Variants in STX8 observed in about 807,000 individuals in gnomAD.
The protein encoded by STX8 is syntaxin-8.
A neutral mutation model predicts 37.5 loss-of-function variants in STX8; 23 were observed. The observed-to-expected ratio is 0.61, with a 90% confidence interval of 0.44 to 0.87. The LOEUF is 0.87. Among genes scored for constraint, STX8 ranks in the 40% least tolerant of loss-of-function variants. The probability of loss-of-function intolerance (pLI) is 0.00; values close to 1 mark genes in which losing one functional copy is unlikely to be tolerated. For synonymous variants in STX8, 115 were observed against 99.1 expected, an observed-to-expected ratio of 1.16 and a Z score of -0.95; for missense variants, 313 against 284.7, an observed-to-expected ratio of 1.10 and a Z score of -0.71.
chr17:9,395,686 A>G (rs1912376659), intron 6 of STX8, among the ~76,000 whole-genome samples: 1 of 152,220 alleles, frequency 6.6e-6, no homozygotes, highest in African/African-American at 2.4e-5. Flanking sequence ...CATCCTTTAT[A>G]CGGTGCCTAG....
chr17:9,429,981 A>AAT lies in STX8; in HGVS notation c.542-51330_542-51329dup, dbSNP rs1555526630. On this transcript the variant is annotated intron_variant, in intron 6 of 7. Coordinates refer to ENST00000306357, the MANE Select transcript of STX8 (RefSeq NM_004853.3). ...AATATATATATTATATATTATATAG[A>AAT]ATATATTATATATAATATATATATT... Among the ~76,000 whole-genome samples, 2 of 8,866 alleles carry AAT rather than the reference A, an allele frequency of 2.3e-4. 1 individual carries two copies. Among genetic ancestry groups the AAT allele is most frequent in the Non-Finnish European group, 3.1e-4 (2 of 6,450 alleles). 5.8% of individuals were successfully genotyped at this position (8,866 alleles called of 152,430 possible).
At chr17:9,261,323 C>A (rs1482077910) in intron 7 of STX8, among the ~76,000 whole-genome samples, 1 of 152,172 alleles carries the variant, frequency 6.6e-6, no homozygotes, top group East Asian at 1.9e-4. Flanking sequence ...AGCAGCACTG[C>A]CCTGGTAAGA....
At chr17:9,298,328 C>T (rs1908640953) in intron 7 of STX8, among the ~76,000 whole-genome samples, 3 of 152,096 alleles carry the variant, frequency 2.0e-5, no homozygotes, top group Admixed American at 2.0e-4. Flanking sequence ...CTTTGGCCAG[C>T]CCAGCCCTGG....
intron 3 of STX8, among the ~76,000 whole-genome samples, chr17:9,550,927 T>C (rs965557380): frequency 1.2e-4 from 19 of 152,088 alleles, no homozygotes; most frequent in African/African-American, 4.6e-4. Flanking sequence ...ACACAAAAAT[T>C]AGCCAGGTGT....
chr17:9,411,928 G>A (rs997071594), intron 6 of STX8, among the ~76,000 whole-genome samples: 1 of 152,132 alleles, frequency 6.6e-6, no homozygotes, highest in Non-Finnish European at 1.5e-5. Flanking sequence ...CTAATGGGAT[G>A]CATGATCTAA....
At chr17:9,324,052 T>G (rs182233947) in intron 7 of STX8, among the ~76,000 whole-genome samples, 1 of 151,956 alleles carries the variant, frequency 6.6e-6, no homozygotes, top group East Asian at 1.9e-4. Flanking sequence ...AATGGGAATT[T>G]CAGTAAAAGA....
chr17:9,311,933 C>T (rs1909205540), intron 7 of STX8, among the ~76,000 whole-genome samples: 1 of 151,920 alleles, frequency 6.6e-6, no homozygotes, highest in Admixed American at 6.6e-5. Flanking sequence ...CTGCAACCTC[C>T]CCATCCCAGG....
At chr17:9,307,474 A>G (rs1451705144) in intron 7 of STX8, among the ~76,000 whole-genome samples, 1 of 152,130 alleles carries the variant, frequency 6.6e-6, no homozygotes, top group African/African-American at 2.4e-5. Context: ...GGGGGATTGG[A>G]GTTGCTTCTC....
intron 6 of STX8, among the ~76,000 whole-genome samples, chr17:9,382,490 G>A (rs190509246): frequency 1.3e-5 from 2 of 152,222 alleles, no homozygotes; most frequent in Non-Finnish European, 2.9e-5. Flanking sequence ...GTGCAGGTTT[G>A]TTACATAGGT....
chr17:9,528,495 T>C (rs1239393533), intron 4 of STX8, among the ~76,000 whole-genome samples: 1 of 152,084 alleles, frequency 6.6e-6, no homozygotes, highest in African/African-American at 2.4e-5. Context: ...ATGTATTTAG[T>C]AGAGAGTAGA....
At chr17:9,435,283 T>C (rs932448735) in intron 6 of STX8, among the ~76,000 whole-genome samples, 2 of 152,158 alleles carry the variant, frequency 1.3e-5, no homozygotes, top group Non-Finnish European at 2.9e-5. Flanking sequence ...TCTAGGAATG[T>C]AGAAAAGTAC....
At chr17:9,523,842 T>C (rs1007672032) in intron 4 of STX8, among the ~76,000 whole-genome samples, 3 of 152,218 alleles carry the variant, frequency 2.0e-5, no homozygotes, top group African/African-American at 7.2e-5. Context: ...GAAATGTGTG[T>C]TTGGCAGCTG....
intron 5 of STX8, among the ~76,000 whole-genome samples, chr17:9,494,615 C>CAAAAAAAAAAAAAAAAA (rs35806606): frequency 3.1e-5 from 2 of 64,292 alleles, no homozygotes; most frequent in African/African-American, 5.8e-5. Flanking sequence ...GAACCTGTCT[C>CAAAAAAAAAAAAAAAAA]AAAAAAAAAA....
chr17:9,397,263 G>C (rs1912436907), intron 6 of STX8, among the ~76,000 whole-genome samples: 1 of 152,220 alleles, frequency 6.6e-6, no homozygotes, highest in South Asian at 2.1e-4. Flanking sequence ...GGGCGTGGTG[G>C]CGGGTGCCTG....
intron 7 of STX8, among the ~76,000 whole-genome samples, chr17:9,296,142 A>G (rs1168111588): frequency 6.6e-6 from 1 of 152,068 alleles, no homozygotes; most frequent in Non-Finnish European, 1.5e-5. Context: ...GTGAGCCGAG[A>G]TCGTGCTACT....
intron 7 of STX8, among the ~76,000 whole-genome samples, chr17:9,286,064 T>C (rs954590713): frequency 2.0e-5 from 3 of 151,940 alleles, no homozygotes; most frequent in African/African-American, 7.3e-5. Context: ...GGCAAGATCA[T>C]AGATGGGATG....
intron 7 of STX8, among the ~76,000 whole-genome samples, chr17:9,329,049 T>C: frequency 7.1e-5 from 1 of 14,110 alleles, no homozygotes; most frequent in Non-Finnish European, 1.5e-4. Context: ...AGATTCCATC[T>C]CAAAAAAAAA....
At chr17:9,310,255 T>C (rs917614718) in intron 7 of STX8, among the ~76,000 whole-genome samples, 16 of 152,204 alleles carry the variant, frequency 1.1e-4, no homozygotes, top group African/African-American at 3.1e-4. Context: ...GCGTTGACTT[T>C]CTACTCCCAG....
chr17:9,519,699 C>T (rs1905271135), intron 4 of STX8, among the ~76,000 whole-genome samples: 1 of 151,872 alleles, frequency 6.6e-6, no homozygotes, highest in East Asian at 1.9e-4. Flanking sequence ...CTCAACATCC[C>T]CGCTTCCACA....
Sources: gnomAD v4.1 joint callset for allele counts (sites outside exome capture counted in the v4.1 genomes callset) on GRCh38, gnomAD v4.1.1 for gene constraint, MANE v1.5 for transcripts, NCBI Gene and HGNC (gene_info 2026-07-23, HGNC 2026-07-21) for gene names.